The following CYSLTR2 variants were observed in gnomAD, a reference collection of about 807,000 sequenced individuals.
CYSLTR2 encodes cysteinyl leukotriene receptor 2, also known as G-protein coupled receptor GPCR21.
For synonymous variants in CYSLTR2, 179 were observed against 160.8 expected (o/e 1.11, Z -0.86); for missense variants, 398 against 411.9 (o/e 0.97, Z 0.29).
chr13:48,707,464 C>T lies in CYSLTR2; in HGVS notation c.647C>T (p.Thr216Ile), dbSNP rs751642704. ...LVVGCLLPFF[T>I]LSICYLLIIR... ...GTGGGCTGCCTGCTGCCATTTTTCACACTCAGCATCTGTTATCTGCTGATC... is the reference window on the plus strand; with the variant it reads ...GTGGGCTGCCTGCTGCCATTTTTCATACTCAGCATCTGTTATCTGCTGATC... The change falls in exon 5 of 5, where the codon ACA (threonine) becomes ATA (isoleucine). Residue 216 changes from threonine (T) to isoleucine (I), a missense_variant. Thr to Ile is a moderately conservative substitution (Grantham distance 89). Transcript: ENST00000682523. 2 of 1,613,840 alleles carry T rather than the reference C, an allele frequency of 1.2e-6. No homozygotes were observed. The highest frequency in any genetic ancestry group is 2.7e-5 in the African/African-American group (2 of 75,032).
chr13:48,696,007 C>A (rs898788152), intron 3 of CYSLTR2, among the ~76,000 whole-genome samples: 2 of 152,190 alleles, frequency 1.3e-5, no homozygotes, highest in South Asian at 2.1e-4. Flanking sequence ...ATGACCGTAT[C>A]ATTTTACACT....
chr13:48,703,562 T>C (rs1208009206), intron 4 of CYSLTR2, among the ~76,000 whole-genome samples: 4 of 152,228 alleles, frequency 2.6e-5, no homozygotes, highest in African/African-American at 9.6e-5. Context: ...TTTAAAAATA[T>C]TAATTGATAT....
At chr13:48,658,485 G>A (rs1409457003) in intron 1 of CYSLTR2, among the ~76,000 whole-genome samples, 1 of 152,118 alleles carries the variant, frequency 6.6e-6, no homozygotes, top group Non-Finnish European at 1.5e-5. Context: ...GCTGTGCTAG[G>A]GCCTGGGGTA....
chr13:48,667,699 A>G (rs1953302526), intron 1 of CYSLTR2, among the ~76,000 whole-genome samples: 1 of 152,210 alleles, frequency 6.6e-6, no homozygotes, highest in African/African-American at 2.4e-5. Context: ...GCCTGGGAGC[A>G]TGTTTCCTGT....
At chr13:48,657,448 A>G (rs1301227436) in intron 1 of CYSLTR2, among the ~76,000 whole-genome samples, 1 of 151,956 alleles carries the variant, frequency 6.6e-6, no homozygotes, top group African/African-American at 2.4e-5. Context: ...TCAAAAAAGT[A>G]CAGGAAGCAG....
intron 4 of CYSLTR2, among the ~76,000 whole-genome samples, chr13:48,698,115 G>T (rs1954243115): frequency 6.6e-6 from 1 of 152,182 alleles, no homozygotes; most frequent in East Asian, 1.9e-4. Flanking sequence ...TTATCCAGGA[G>T]AACTTCCCCA....
intron 1 of CYSLTR2, among the ~76,000 whole-genome samples, chr13:48,684,851 ACAGAG>A (rs1953857222): frequency 6.6e-6 from 1 of 152,212 alleles, no homozygotes; most frequent in East Asian, 1.9e-4. Flanking sequence ...ACACAGAAAC[ACAGAG>A]AAAAGACAAT....
At chr13:48,697,084 C>A (rs528828786) in intron 4 of CYSLTR2, among the ~76,000 whole-genome samples, 2 of 152,220 alleles carry the variant, frequency 1.3e-5, no homozygotes, top group African/African-American at 2.4e-5. Context: ...CCTCTGGGGG[C>A]AGGGCATAGC....
chr13:48,660,263 A>G (rs1377699559), intron 1 of CYSLTR2, among the ~76,000 whole-genome samples: 1 of 152,196 alleles, frequency 6.6e-6, no homozygotes, highest in Admixed American at 6.5e-5. Flanking sequence ...AACTTCTGCT[A>G]GGTTTCAATC....
intron 1 of CYSLTR2, among the ~76,000 whole-genome samples, chr13:48,664,145 G>A (rs192766397): frequency 1.8e-4 from 28 of 151,962 alleles, no homozygotes; most frequent in Non-Finnish European, 3.2e-4. Context: ...TGCATATGTC[G>A]AACCATCCTT....
chr13:48,665,371 T>G (rs181418228), intron 1 of CYSLTR2, among the ~76,000 whole-genome samples: 1 of 152,106 alleles, frequency 6.6e-6, no homozygotes, highest in African/African-American at 2.4e-5. Context: ...GTTTCTTTGT[T>G]GATTTCCTGA....
chr13:48,690,467 G>T (rs372255878), intron 1 of CYSLTR2, among the ~76,000 whole-genome samples: 1 of 152,034 alleles, frequency 6.6e-6, no homozygotes, highest in Non-Finnish European at 1.5e-5. Context: ...GCATAAAGGG[G>T]TGTTGAATTA....
chr13:48,694,219 G>T (rs1460644045), intron 3 of CYSLTR2, among the ~76,000 whole-genome samples: 1 of 152,194 alleles, frequency 6.6e-6, no homozygotes, highest in Non-Finnish European at 1.5e-5. Context: ...TAAGACAGAG[G>T]AAGTCCTTAC....
At chr13:48,690,884 T>C (rs1263814377) in intron 1 of CYSLTR2, among the ~76,000 whole-genome samples, 1 of 147,070 alleles carries the variant, frequency 6.8e-6, no homozygotes, top group Non-Finnish European at 1.5e-5. Context: ...CATCTGCTCC[T>C]GGGCTTTTTT....
intron 1 of CYSLTR2, among the ~76,000 whole-genome samples, chr13:48,676,317 AT>A (rs1953595104): frequency 6.6e-6 from 1 of 152,134 alleles, no homozygotes; most frequent in Non-Finnish European, 1.5e-5. Context: ...GGAAAGTCAT[AT>A]TTGTGGTTGA....
At chr13:48,658,069 A>G (rs532941270) in intron 1 of CYSLTR2, among the ~76,000 whole-genome samples, 1 of 152,092 alleles carries the variant, frequency 6.6e-6, no homozygotes, top group Admixed American at 6.6e-5. Context: ...AAATTCACTG[A>G]GAGATATGAA....
intron 1 of CYSLTR2, among the ~76,000 whole-genome samples, chr13:48,660,034 C>G (rs1203277285): frequency 6.6e-6 from 1 of 152,090 alleles, no homozygotes; most frequent in African/African-American, 2.4e-5. Flanking sequence ...CAGGGCTCTT[C>G]ATATATGATG....
chr13:48,695,391 T>TTCTCTCTCTCTCTCTCTCTTTCTC, intron 3 of CYSLTR2, among the ~76,000 whole-genome samples: 1 of 138,844 alleles, frequency 7.2e-6, no homozygotes, highest in African/African-American at 2.8e-5. Flanking sequence ...CTTTCTTTCT[T>TTCTCTCTCTCTCTCTCTCTTTCTC]TCTCTCTCTC....
chr13:48,704,163 G>C (rs1481539501), intron 4 of CYSLTR2, among the ~76,000 whole-genome samples: 1 of 152,032 alleles, frequency 6.6e-6, no homozygotes, highest in South Asian at 2.1e-4. Context: ...TGTATCAGGA[G>C]ATGTAACATT....
Sources: allele counts gnomAD v4.1 joint callset (sites outside exome capture counted in the v4.1 genomes callset), GRCh38; gene constraint gnomAD v4.1.1; transcripts MANE v1.5; gene names NCBI Gene and HGNC (gene_info 2026-07-23, HGNC 2026-07-21).